The following ANKRD44 variants were observed in gnomAD, a reference collection of about 807,000 sequenced individuals.
The protein encoded by ANKRD44 is serine/threonine-protein phosphatase 6 regulatory ankyrin repeat subunit B.
Under a neutral mutation model 116.0 loss-of-function variants are expected in ANKRD44, and 35 were observed. The observed-to-expected ratio is 0.30, with a 90% CI of 0.23 to 0.40. ANKRD44 has a LOEUF of 0.40. Among genes scored for constraint, ANKRD44 ranks in the 10% least tolerant of loss-of-function variants. The probability of loss-of-function intolerance (pLI) is 1.00; values close to 1 mark genes in which losing one functional copy is unlikely to be tolerated. For synonymous variants in ANKRD44, 435 were observed against 461.8 expected (o/e 0.94, Z 0.74); for missense variants, 1,014 against 1,242.6 (o/e 0.82, Z 2.77).
chr2:197,262,431 C>T (rs2082629225), intron 1 of ANKRD44, among the ~76,000 whole-genome samples: 1 of 152,172 alleles, frequency 6.6e-6, no homozygotes, highest in Non-Finnish European at 1.5e-5. Context: ...GAATCAAATT[C>T]CCATCCAGAA....
At position 197,310,566 on chromosome 2, in the gene ANKRD44, G is replaced by A. The variant is rs1437392839; in HGVS notation, c.27+12C>T. The A allele has an allele frequency of 6.7e-6, 8 of 1,188,694 alleles. No individual in the cohort carries two copies. The Middle Eastern group carries it at 7.0e-4, about 103-fold the overall frequency. The allele number at this position is 1,188,694 out of a possible 1,614,324, so 73.6% of individuals were successfully genotyped here. The stretch of plus-strand genomic sequence containing the variant: ...CCCGCGCGTCCCGCCCGCCGGCGCC[G>A]CCGCCCGCTACCTGGTCGGTGAGTT... On this transcript the variant is annotated intron_variant, in intron 1 of 27. Coordinates refer to ENST00000282272, the MANE Select transcript of ANKRD44 (RefSeq NM_001195144.2).
chr2:197,002,067 G>A (rs2076124148), intron 21 of ANKRD44, among the ~76,000 whole-genome samples: 1 of 152,200 alleles, frequency 6.6e-6, no homozygotes, highest in South Asian at 2.1e-4. Flanking sequence ...ATATGGTCTG[G>A]TGAAGAGAGA....
rs1045355477 is a variant in ANKRD44, at chr2:196,988,557, G to GTA, written c.*1032_*1033dup. The stretch of plus-strand genomic sequence containing the variant: ...TTTAATTAAATCCAGGATATTAAGA[G>GTA]TAAGATTAAAGTTTTATAGCTAGAT... On this transcript the variant is annotated 3_prime_UTR_variant, in exon 28 of 28. Transcript: ENST00000282272. 2 of 984,580 alleles carry GTA rather than the reference G, an allele frequency of 2.0e-6. No homozygotes were observed. Among genetic ancestry groups the GTA allele is most frequent in the African/African-American group, 1.7e-5 (1 of 57,238 alleles). The allele number at this position is 984,580 out of a possible 1,614,324, so 61.0% of individuals were successfully genotyped here. A position where few individuals can be genotyped will look rare whatever the true frequency, so the allele number is the denominator to read the frequency against.
chr2:197,027,410 G>A (rs1016204947), intron 16 of ANKRD44, among the ~76,000 whole-genome samples: 1 of 152,090 alleles, frequency 6.6e-6, no homozygotes, highest in Admixed American at 6.5e-5. Flanking sequence ...CATGGTTTTG[G>A]AGCTCAGGGT....
intron 2 of ANKRD44, among the ~76,000 whole-genome samples, chr2:197,172,586 T>C (rs1219491119): frequency 6.6e-6 from 1 of 152,190 alleles, no homozygotes; most frequent in Non-Finnish European, 1.5e-5. Context: ...CCTATTCATC[T>C]TATTTTGTTT....
Position 197,125,828 on chromosome 2 carries a change from A to T in ANKRD44, c.462+9T>A, listed in dbSNP as rs780163800. 1 of 1,613,300 alleles carries T rather than the reference A, an allele frequency of 6.2e-7. No homozygotes were observed. The highest frequency in any genetic ancestry group is 8.5e-7 in the Non-Finnish European group (1 of 1,179,986). On this transcript the variant is annotated intron_variant, in intron 5 of 27. Coordinates refer to ENST00000282272, the MANE Select transcript of ANKRD44 (RefSeq NM_001195144.2). ...GAGCGTTCCAATTCTGAATGATAAA[A>T]ATACCCACCTCCACGTGGCCGTTCA...
At chr2:197,215,481 A>C (rs2081423794) in intron 1 of ANKRD44, among the ~76,000 whole-genome samples, 1 of 152,186 alleles carries the variant, frequency 6.6e-6, no homozygotes, top group African/African-American at 2.4e-5. Context: ...GGAGAGTGTG[A>C]GGTAGTAAAT....
At chr2:196,976,431 T>C (rs2075760991) in intron 21 of ANKRD44, among the ~76,000 whole-genome samples, 1 of 152,134 alleles carries the variant, frequency 6.6e-6, no homozygotes, top group Non-Finnish European at 1.5e-5. Context: ...TTCAACATTA[T>C]AGTGGAGGTT....
At chr2:196,969,827 G>A (rs6734285) in intron 21 of ANKRD44, among the ~76,000 whole-genome samples, 44,234 of 152,060 alleles carry the variant, frequency 0.29, 7,089 homozygotes, top group African/African-American at 0.43. Flanking sequence ...TCTAAGCTCC[G>A]CAGCTAAGGA....
chr2:197,114,135 G>A (rs2078653416), intron 8 of ANKRD44, among the ~76,000 whole-genome samples: 1 of 152,196 alleles, frequency 6.6e-6, no homozygotes, highest in Admixed American at 6.5e-5. Flanking sequence ...CTGAGAAATT[G>A]AAATTTATCA....
intron 1 of ANKRD44, among the ~76,000 whole-genome samples, chr2:197,214,211 A>G (rs1344902609): frequency 6.6e-6 from 1 of 152,202 alleles, no homozygotes; most frequent in Non-Finnish European, 1.5e-5. Context: ...AAAAAACCAA[A>G]AGCTTCTTAA....
chr2:197,115,076 G>T (rs2078676784), intron 8 of ANKRD44, among the ~76,000 whole-genome samples: 1 of 152,114 alleles, frequency 6.6e-6, no homozygotes, highest in African/African-American at 2.4e-5. Context: ...GAAGGGAACT[G>T]GTCCACTTCA....
chr2:197,125,609 G>A, intron 5 of ANKRD44, 141 bp from the exon 6 acceptor site: 5 of 909,482 alleles, frequency 5.5e-6, no homozygotes, highest in Non-Finnish European at 1.7e-6. Context: ...GTAGAAATAT[G>A]ATGTCAGAGC....
In ANKRD44 at chr2:197,189,395, A is replaced by T. The variant is rs1363740963; in HGVS notation, c.28-2289T>A. Reference sequence around the variant, plus strand: ...GTAGCAGGAAAGAAGTCTTGAAAAGAATACAAGTTTACTGCTAGTTCAGTC... The same window carrying T: ...GTAGCAGGAAAGAAGTCTTGAAAAGTATACAAGTTTACTGCTAGTTCAGTC... On this transcript the variant is annotated intron_variant, in intron 1 of 27. Transcript: ENST00000282272. Among the ~76,000 whole-genome samples, 3 of 152,224 alleles carry T rather than the reference A, an allele frequency of 2.0e-5. No individual in the cohort carries two copies. The East Asian group carries it at 5.8e-4, about 29-fold the overall frequency.
intron 19 of ANKRD44, 40 bp from the exon 20 acceptor site, chr2:197,007,963 T>A (rs757235323): frequency 2.0e-5 from 28 of 1,390,768 alleles, no homozygotes; most frequent in South Asian, 3.5e-5. Context: ...AAAGGAGATT[T>A]AAAAAAATAT....
In ANKRD44 at chr2:197,008,850, G is replaced by A. The variant is rs541203608; in HGVS notation, c.2012+94C>T. The stretch of plus-strand genomic sequence containing the variant: ...TCCAAATATATTCCTCCAATTTCTC[G>A]GTTCCGCAGTCAGCCTTGTAATGAT... On this transcript the variant is annotated intron_variant, in intron 19 of 27. Transcript: ENST00000282272. The A allele has an allele frequency of 5.5e-5, 60 of 1,093,492 alleles. No individual in the cohort carries two copies. The African/African-American group carries it at 7.0e-4, about 13-fold the overall frequency. The allele number at this position is 1,093,492 out of a possible 1,614,324, so 67.7% of individuals were successfully genotyped here. A position where few individuals can be genotyped will look rare whatever the true frequency, so the allele number is the denominator to read the frequency against.
chr2:197,041,854 C>A (rs2076917634), intron 16 of ANKRD44, among the ~76,000 whole-genome samples: 1 of 152,078 alleles, frequency 6.6e-6, no homozygotes, highest in South Asian at 2.1e-4. Context: ...AGATTATTTA[C>A]AACAGAAAGC....
chr2:197,151,410 C>A (rs905290335), intron 2 of ANKRD44, among the ~76,000 whole-genome samples: 1 of 152,156 alleles, frequency 6.6e-6, no homozygotes, highest in Admixed American at 6.5e-5. Flanking sequence ...ACACAAAGGA[C>A]AAAGCATAAG....
In ANKRD44 at chr2:197,193,823, A is replaced by G. The variant is rs191650821; in HGVS notation, c.28-6717T>C. Among the ~76,000 whole-genome samples, 1,519 of 152,326 alleles carry G rather than the reference A, an allele frequency of 1.0e-2. 9 individuals are homozygous for G. The highest frequency in any genetic ancestry group is 0.014 in the Non-Finnish European group (956 of 68,020). On this transcript the variant is annotated intron_variant, in intron 1 of 27. Transcript: ENST00000282272. ...CGTGAACCCGGGAGGCAGAGCTTGC[A>G]GTGAGCCGAGATCGCGCCACTGCAC...
Sources: gnomAD v4.1 joint callset for allele counts (sites outside exome capture counted in the v4.1 genomes callset) on GRCh38, gnomAD v4.1.1 for gene constraint, MANE v1.5 for transcripts, NCBI Gene and HGNC (gene_info 2026-07-23, HGNC 2026-07-21) for gene names.